Variants in RBFOX1 observed in about 807,000 individuals in gnomAD.
The protein encoded by RBFOX1 is RNA binding protein fox-1 homolog 1.
A neutral mutation model predicts 57.7 loss-of-function variants in RBFOX1; 8 were observed. That is an observed-to-expected ratio of 0.14 (90% CI 0.08 to 0.25). The LOEUF is 0.25. RBFOX1 is among the 10% of genes least tolerant of loss of function. RBFOX1 has a pLI of 1.00. For missense variants in RBFOX1, 611 were observed against 548.5 expected (o/e 1.11, Z -1.14); for synonymous variants, 326 against 222.4 (o/e 1.47, Z -4.15).
intron 9 of RBFOX1, among the ~76,000 whole-genome samples, chr16:7,601,989 C>A (rs1035040431): frequency 2.9e-4 from 44 of 152,202 alleles, no homozygotes; most frequent in Non-Finnish European, 5.9e-4. Context: ...GCTGCCAGGT[C>A]TCTGACATCC....
intron 4 of RBFOX1, among the ~76,000 whole-genome samples, chr16:7,513,730 G>C (rs950296497): frequency 1.3e-5 from 2 of 152,142 alleles, no homozygotes; most frequent in African/African-American, 4.8e-5. Flanking sequence ...CCACCTATTA[G>C]GTTTTCTTCT....
chr16:7,242,889 C>G (rs1045000700), intron 4 of RBFOX1, among the ~76,000 whole-genome samples: 2 of 152,270 alleles, frequency 1.3e-5, no homozygotes, highest in South Asian at 4.1e-4. Flanking sequence ...AGTTTGCAAG[C>G]AGTGCCTCTC....
At chr16:5,997,981 C>A (rs768147440) in intron 4 of RBFOX1, among the ~76,000 whole-genome samples, 1 of 152,178 alleles carries the variant, frequency 6.6e-6, no homozygotes, top group African/African-American at 2.4e-5. Context: ...ATAGGAAAAG[C>A]CGTAACATTG....
chr16:6,925,209 C>T (rs2075338204), intron 3 of RBFOX1, among the ~76,000 whole-genome samples: 1 of 133,032 alleles, frequency 7.5e-6, no homozygotes, highest in African/African-American at 2.8e-5. Flanking sequence ...TCTCAGCTCA[C>T]TGAAGCCTCT....
At chr16:6,646,290 A>G (rs188180477) in intron 2 of RBFOX1, among the ~76,000 whole-genome samples, 116 of 152,294 alleles carry the variant, frequency 7.6e-4, no homozygotes, top group African/African-American at 2.6e-3. Flanking sequence ...ATTGTTCAGA[A>G]GCAAATGCAG....
chr16:7,083,286 T>G (rs1315247047), intron 4 of RBFOX1, among the ~76,000 whole-genome samples: 1 of 151,876 alleles, frequency 6.6e-6, no homozygotes, highest in Non-Finnish European at 1.5e-5. Flanking sequence ...AACAGCTGTC[T>G]CCTGCTTGTG....
chr16:6,731,399 ACAT>A (rs1376876646), intron 3 of RBFOX1, among the ~76,000 whole-genome samples: 1 of 152,138 alleles, frequency 6.6e-6, no homozygotes, highest in Non-Finnish European at 1.5e-5. Flanking sequence ...CAGTGACCTC[ACAT>A]CTCATCTTTT....
intron 3 of RBFOX1, among the ~76,000 whole-genome samples, chr16:6,802,329 AT>A (rs1245900219): frequency 6.6e-5 from 10 of 152,066 alleles, no homozygotes; most frequent in Non-Finnish European, 8.8e-5. Context: ...TTCTCTGGGA[AT>A]TTCATTGCTT....
chr16:7,038,807 T>C (rs931631429), intron 3 of RBFOX1, among the ~76,000 whole-genome samples: 15 of 152,186 alleles, frequency 9.9e-5, no homozygotes, highest in African/African-American at 3.1e-4. Flanking sequence ...CTTTTGTTGA[T>C]AATGGGGTCT....
chr16:5,516,338 C>T (rs117757573), intron 2 of RBFOX1, among the ~76,000 whole-genome samples: 1 of 152,234 alleles, frequency 6.6e-6, no homozygotes, highest in Non-Finnish European at 1.5e-5. Flanking sequence ...CCCTCACTTC[C>T]TGTCTCCCAT....
chr16:5,779,631 T>C (rs1176062454), intron 3 of RBFOX1, among the ~76,000 whole-genome samples: 2 of 152,190 alleles, frequency 1.3e-5, no homozygotes, highest in African/African-American at 4.8e-5. Context: ...TCCCTCTTCA[T>C]TCTCCTGGGC....
intron 3 of RBFOX1, among the ~76,000 whole-genome samples, chr16:6,988,758 GTT>G (rs1395570503): frequency 1.6e-5 from 2 of 121,922 alleles, no homozygotes; most frequent in African/African-American, 3.6e-5. Context: ...TTTGTTTTTT[GTT>G]TTTTGTTTTT....
At chr16:7,456,090 A>G (rs1352171470) in intron 4 of RBFOX1, among the ~76,000 whole-genome samples, 1 of 152,148 alleles carries the variant, frequency 6.6e-6, no homozygotes, top group Non-Finnish European at 1.5e-5. Context: ...ATTCTTAATG[A>G]TTTTTGAACA....
At chr16:6,782,841 C>G (rs950437309) in intron 3 of RBFOX1, among the ~76,000 whole-genome samples, 1 of 152,110 alleles carries the variant, frequency 6.6e-6, no homozygotes, top group African/African-American at 2.4e-5. Context: ...TTAGCATTCC[C>G]AACTATCATT....
chr16:6,728,447 T>G (rs1223428364), intron 3 of RBFOX1, among the ~76,000 whole-genome samples: 2 of 152,206 alleles, frequency 1.3e-5, no homozygotes, highest in Non-Finnish European at 2.9e-5. Context: ...ACCTTGGAAA[T>G]TGTTCATCTC....
At chr16:6,531,402 T>C (rs528286038) in intron 2 of RBFOX1, among the ~76,000 whole-genome samples, 36 of 152,312 alleles carry the variant, frequency 2.4e-4, no homozygotes, top group African/African-American at 7.9e-4. Flanking sequence ...GGATCAGTTT[T>C]CTTAAGACAT....
intron 3 of RBFOX1, chr16:6,748,901 A>G (rs2074343219): frequency 1.3e-5 from 2 of 152,312 alleles, no homozygotes; most frequent in African/African-American, 2.4e-5. Context: ...CATAGACCCC[A>G]TAAAATTAGT....
At chr16:5,592,178 A>G (rs937844211) in intron 2 of RBFOX1, among the ~76,000 whole-genome samples, 4 of 150,830 alleles carry the variant, frequency 2.7e-5, no homozygotes, top group Admixed American at 2.0e-4. Context: ...GTTTTTTTCT[A>G]TGGACTTCCT....
chr16:6,373,401 C>T (rs368088438), intron 2 of RBFOX1, among the ~76,000 whole-genome samples: 3 of 123,226 alleles, frequency 2.4e-5, no homozygotes, highest in South Asian at 2.6e-4. Context: ...TGGGTAGGAG[C>T]ATTGTTGGGT....
Sources: gnomAD v4.1 joint callset for allele counts (sites outside exome capture counted in the v4.1 genomes callset) on GRCh38, gnomAD v4.1.1 for gene constraint, MANE v1.5 for transcripts, NCBI Gene and HGNC (gene_info 2026-07-23, HGNC 2026-07-21) for gene names.